The following DTX3L variants were observed in gnomAD, a reference collection of about 807,000 sequenced individuals.
DTX3L encodes the protein E3 ubiquitin-protein ligase DTX3L.
In DTX3L, 34 loss-of-function variants were observed where a neutral mutation model predicts 60.9. The ratio of observed to expected loss-of-function variants is 0.56; its 90% CI spans 0.42 to 0.74. The LOEUF is 0.74. DTX3L is among the 30% of genes least tolerant of loss of function. The pLI is 0.00. For synonymous variants in DTX3L, 290 were observed against 316.6 expected (o/e 0.92, Z 0.89); for missense variants, 810 against 874.0 (o/e 0.93, Z 0.92).
intron 2 of DTX3L, among the ~76,000 whole-genome samples, chr3:122,567,851 T>G (rs1465092863): frequency 6.6e-6 from 1 of 152,124 alleles, no homozygotes; most frequent in Non-Finnish European, 1.5e-5. Flanking sequence ...GCCATGGAGC[T>G]TTTAGAAATG....
rs751461207 is a variant in DTX3L, at chr3:122,564,481, G to T, written c.55G>T (p.Gly19Cys). 8.7e-6 allele frequency: 14 copies of T among 1,612,774 alleles called. No homozygotes were observed. Among genetic ancestry groups the T allele is most frequent in the Admixed American group, 1.7e-5 (1 of 59,988 alleles). ...GCTCCTCGTGCGGGTGTACAAGTCCGGCCCCCGAGTACGAAGGAAGCTGGA... is the reference window on the plus strand; with the variant it reads ...GCTCCTCGTGCGGGTGTACAAGTCCTGCCCCCGAGTACGAAGGAAGCTGGA... ...SPLLVRVYKS[G>C]PRVRRKLESY... The change falls in exon 1 of 5, where the codon GGC becomes TGC. Residue 19 changes from glycine (G) to cysteine (C), a missense_variant. Gly to Cys is a radical substitution (Grantham distance 159, BLOSUM62 -3). Coordinates refer to ENST00000296161, the MANE Select transcript of DTX3L (RefSeq NM_138287.3).
Position 122,565,900 on chromosome 3 carries a change from G to A in DTX3L, c.229G>A (p.Val77Ile). 1 of 1,614,116 alleles carries A rather than the reference G, an allele frequency of 6.2e-7. No homozygotes were observed. Among genetic ancestry groups the A allele is most frequent in the East Asian group, 2.2e-5 (1 of 44,882 alleles). ...VLKKGEHQIL[V>I]DEKPVPIFLV... The stretch of plus-strand genomic sequence containing the variant: ...GAAAAAAGGAGAGCACCAAATACTT[G>A]TTGACGAAAAACCTGTGCCCATTTT... Residue 77 changes from valine (V) to isoleucine (I), a missense_variant, in exon 2 of 5, where the codon GTT becomes ATT. By Grantham distance (29) the Val-to-Ile change is conservative. Coordinates refer to ENST00000296161, the MANE Select transcript of DTX3L (RefSeq NM_138287.3).
rs762198657 is a variant in DTX3L, at chr3:122,568,868, G to A, written c.779G>A (p.Arg260Lys). 1 of 1,613,912 alleles carries A rather than the reference G, an allele frequency of 6.2e-7. No individual in the cohort carries two copies. Among genetic ancestry groups the A allele is most frequent in the Non-Finnish European group, 8.5e-7 (1 of 1,179,990 alleles). ...GATAAAATCAACTCAATAGAGAAAA[G>A]ATTTGGTGTAAACATTGAAATCCAG... Reference protein sequence around the residue: ...CPDKINSIEKRFGVNIEIQES... With the variant: ...CPDKINSIEKKFGVNIEIQES... The change falls in exon 3 of 5, where the codon AGA becomes AAA. Residue 260 changes from arginine to lysine, a missense_variant. By Grantham distance (26) the Arg-to-Lys change is conservative. Coordinates refer to ENST00000296161, the MANE Select transcript of DTX3L (RefSeq NM_138287.3).
At position 122,574,871 on chromosome 3, in the gene DTX3L, T is replaced by C. The variant is rs1167037315; in HGVS notation, c.*3124T>C. 6.6e-6 allele frequency: 1 copy of C among 152,218 alleles called. No homozygotes were observed. The highest frequency in any genetic ancestry group is 1.9e-4 in the East Asian group (1 of 5,206). The allele number at this position is 152,218 out of a possible 1,614,324, so 9.4% of individuals were successfully genotyped here. A position where few individuals can be genotyped will look rare whatever the true frequency, so the allele number is the denominator to read the frequency against. On this transcript the variant is annotated 3_prime_UTR_variant, in exon 5 of 5. Transcript: ENST00000296161. ...ATTGGAAGAACTTAAAAACTCAGAA[T>C]CTTTTTCTTTGTCCAGAGAGTTGAG... is the stretch of plus-strand genomic sequence containing the variant.
chr3:122,573,472 A>T lies in DTX3L; in HGVS notation c.*1725A>T, dbSNP rs1184814162. 1.3e-5 allele frequency: 2 copies of T among 152,132 alleles called. No homozygotes were observed. The highest frequency in any genetic ancestry group is 2.9e-5 in the Non-Finnish European group (2 of 68,040). The allele number at this position is 152,132 out of a possible 1,614,324, so 9.4% of individuals were successfully genotyped here. On this transcript the variant is annotated 3_prime_UTR_variant, in exon 5 of 5. Coordinates refer to ENST00000296161, the MANE Select transcript of DTX3L (RefSeq NM_138287.3). ...TTGGAAAACTGAGCTTCTTTCTTTC[A>T]TTGCTTTTTCCCTTAAGAGACAAGT...
intron 1 of DTX3L, 46 bp downstream of exon 1, chr3:122,564,659 C>G (rs767373202): frequency 6.5e-7 from 1 of 1,549,348 alleles, no homozygotes; most frequent in Non-Finnish European, 8.7e-7. Context: ...GGGGGCCCGG[C>G]CCCCGGGTTT....
In DTX3L at chr3:122,570,485, C is replaced by T; in HGVS notation, c.1966C>T (p.Pro656Ser). The stretch of plus-strand genomic sequence containing the variant: ...ACACCCAAACCCAGGAAAGAGATAC[C>T]CTGGAATACAGCGAACTGCATACTT... ...EEHPNPGKRY[P>S]GIQRTAYLPD... The change falls in exon 4 of 5, where the codon CCT (proline) becomes TCT (serine). Residue 656 changes from proline (P) to serine (S), a missense_variant. Transcript: ENST00000296161. 4 of 1,614,042 alleles carry T rather than the reference C, an allele frequency of 2.5e-6. No individual in the cohort carries two copies. The highest frequency in any genetic ancestry group is 3.4e-6 in the Non-Finnish European group (4 of 1,180,000).
At position 122,573,070 on chromosome 3, in the gene DTX3L, G is replaced by A. The variant is rs1576461234; in HGVS notation, c.*1323G>A. The A allele has an allele frequency of 6.6e-6, 1 of 152,026 alleles. No homozygotes were observed. Among genetic ancestry groups the A allele is most frequent in the South Asian group, 2.1e-4 (1 of 4,812 alleles). The allele number at this position is 152,026 out of a possible 1,614,324, so 9.4% of individuals were successfully genotyped here. A position where few individuals can be genotyped will look rare whatever the true frequency, so the allele number is the denominator to read the frequency against. On this transcript the variant is annotated 3_prime_UTR_variant, in exon 5 of 5. Coordinates refer to ENST00000296161, the MANE Select transcript of DTX3L (RefSeq NM_138287.3). ...CAGGCTGCTTCCATTCATAGCAAAG[G>A]GCAGCCAGTGTGTGCAGAAATCAAA...
chr3:122,570,579 T>A lies in DTX3L; in HGVS notation c.2060T>A (p.Phe687Tyr), dbSNP rs751370010. The A allele has an allele frequency of 1.2e-6, 2 of 1,614,152 alleles. No homozygotes were observed. The highest frequency in any genetic ancestry group is 1.7e-6 in the Non-Finnish European group (2 of 1,180,026). Residue 687 changes from phenylalanine (F) to tyrosine (Y), a missense_variant, in exon 4 of 5, where the codon TTT becomes TAT. Physicochemically the swap from Phe to Tyr is conservative, Grantham distance 22. Coordinates refer to ENST00000296161, the MANE Select transcript of DTX3L (RefSeq NM_138287.3). ...LYRAFDQKLIFTVGYSRVLGV... is the reference protein window; with the variant it reads ...LYRAFDQKLIYTVGYSRVLGV... ...AGGGCCTTTGACCAAAAGCTGATTT[T>A]TACAGTGGGGTACTCTCGCGTATTA...
chr3:122,569,063 T>C lies in DTX3L; in HGVS notation c.974T>C (p.Leu325Ser). 1 of 1,614,040 alleles carries C rather than the reference T, an allele frequency of 6.2e-7. No individual in the cohort carries two copies. Among genetic ancestry groups the C allele is most frequent in the East Asian group, 2.2e-5 (1 of 44,870 alleles). ...SKQANKFKQE[L>S]NHQFTKLLIK... ...CAGGCAAATAAATTCAAACAGGAAT[T>C]GAATCACCAGTTTACAAAGCTCCTT... The change falls in exon 3 of 5, where the codon TTG becomes TCG. Residue 325 changes from leucine (L) to serine (S), a missense_variant. By Grantham distance (145) the Leu-to-Ser change is moderately radical. Coordinates refer to ENST00000296161, the MANE Select transcript of DTX3L (RefSeq NM_138287.3).
rs1559903714 is a variant in DTX3L, at chr3:122,569,621, G to A, written c.1532G>A (p.Gly511Glu). 1 of 1,614,096 alleles carries A rather than the reference G, an allele frequency of 6.2e-7. No homozygotes were observed. Among genetic ancestry groups the A allele is most frequent in the Non-Finnish European group, 8.5e-7 (1 of 1,180,046 alleles). The change falls in exon 3 of 5, where the codon GGA (glycine) becomes GAA (glutamate). Residue 511 changes from glycine to glutamate, a missense_variant. Coordinates refer to ENST00000296161, the MANE Select transcript of DTX3L (RefSeq NM_138287.3). ...KAKQYVLKGG[G>E]MSSLAGKKLK... ...AAGCAGTATGTTCTAAAAGGAGGAG[G>A]AATGTCTTCATTGGCTGGAAAGAAA...
chr3:122,564,738 G>C, intron 1 of DTX3L, 125 bp downstream of exon 1: 1 of 1,215,346 alleles, frequency 8.2e-7, no homozygotes, highest in Non-Finnish European at 1.1e-6. Flanking sequence ...TGCGGTGGCG[G>C]ACAGGGACGG....
At position 122,569,339 on chromosome 3, in the gene DTX3L, G is replaced by T; in HGVS notation, c.1250G>T (p.Cys417Phe). ...SKVSEKGQKT[C>F]ILFESKDRQV... ...GTTTCTGAGAAAGGTCAGAAAACCT[G>T]CATTCTGTTTGAATCCAAGGACAGG... Residue 417 changes from cysteine to phenylalanine, a missense_variant, in exon 3 of 5, where the codon TGC becomes TTC. By Grantham distance (205) the Cys-to-Phe change is radical (BLOSUM62 -2). Transcript: ENST00000296161. 1 of 1,614,182 alleles carries T rather than the reference G, an allele frequency of 6.2e-7. No individual in the cohort carries two copies. The highest frequency in any genetic ancestry group is 8.5e-7 in the Non-Finnish European group (1 of 1,180,032).
intron 1 of DTX3L, among the ~76,000 whole-genome samples, 155 bp from the exon 2 acceptor site, chr3:122,565,704 G>A (rs181015312): frequency 3.9e-4 from 59 of 152,086 alleles, no homozygotes; most frequent in African/African-American, 1.2e-3. Flanking sequence ...ATAGCTCCCC[G>A]ACTTTCTCCA....
intron 2 of DTX3L, among the ~76,000 whole-genome samples, 155 bp from the exon 3 acceptor site, chr3:122,568,334 T>C (rs2080605371): frequency 6.6e-6 from 1 of 150,458 alleles, no homozygotes; most frequent in Non-Finnish European, 1.5e-5. Context: ...AATAAATAAA[T>C]AAATAAATAA....
At chr3:122,565,826 T>C in intron 1 of DTX3L, 33 bp from the exon 2 acceptor site, 1 of 1,592,900 alleles carries the variant, frequency 6.3e-7, no homozygotes, top group East Asian at 2.2e-5. Flanking sequence ...TTTTTATGTG[T>C]GTATATGTGT....
At chr3:122,567,421 G>C (rs1418842030) in intron 2 of DTX3L, among the ~76,000 whole-genome samples, 1 of 152,134 alleles carries the variant, frequency 6.6e-6, no homozygotes, top group East Asian at 1.9e-4. Context: ...GGAGGTGTGA[G>C]AAATGGCTGG....
At chr3:122,568,411 A>G (rs1430915963) in intron 2 of DTX3L, 78 bp from the exon 3 acceptor site, 2 of 1,173,324 alleles carry the variant, frequency 1.7e-6, no homozygotes, top group Non-Finnish European at 2.3e-6. Flanking sequence ...TCTAGTCTCT[A>G]TGCATTCTCC....
chr3:122,575,038 G>GT lies in DTX3L; in HGVS notation c.*3294dup, dbSNP rs1445050410. On this transcript the variant is annotated 3_prime_UTR_variant, in exon 5 of 5. Coordinates refer to ENST00000296161, the MANE Select transcript of DTX3L (RefSeq NM_138287.3). ...CTAAATTTGTTCCAAAGAAGCAAAA[G>GT]TTTGGTTTCTACTAAGTTCTGGATT... 3.3e-5 allele frequency: 5 copies of GT among 152,190 alleles called. No individual in the cohort carries two copies. The highest frequency in any genetic ancestry group is 1.2e-4 in the African/African-American group (5 of 41,442). The allele number at this position is 152,190 out of a possible 1,614,324, so 9.4% of individuals were successfully genotyped here.
Sources: gnomAD v4.1 joint callset for allele counts (sites outside exome capture counted in the v4.1 genomes callset) on GRCh38, gnomAD v4.1.1 for gene constraint, MANE v1.5 for transcripts, NCBI Gene and HGNC (gene_info 2026-07-23, HGNC 2026-07-21) for gene names.